Variants in SEC24A observed in about 807,000 individuals in gnomAD.
SEC24A encodes the protein SEC24 homolog A, COPII component, also known as protein transport protein Sec24A.
In SEC24A, 93 loss-of-function variants were observed where a neutral mutation model predicts 129.4. The observed-to-expected ratio is 0.72, with a 90% CI of 0.61 to 0.85. The LOEUF (loss-of-function observed/expected upper bound fraction) is 0.85. SEC24A is among the 40% of genes least tolerant of loss of function. The probability of loss-of-function intolerance (pLI) is 0.00; values close to 1 mark genes in which losing one functional copy is unlikely to be tolerated. For missense variants in SEC24A, 1,264 were observed against 1,307.4 expected (o/e 0.97, Z 0.51); for synonymous variants, 460 against 467.3 (o/e 0.98, Z 0.20).
chr5:134,660,280 C>A (rs924468790), intron 1 of SEC24A, among the ~76,000 whole-genome samples: 1 of 151,858 alleles, frequency 6.6e-6, no homozygotes, highest in South Asian at 2.1e-4. Flanking sequence ...ATGGGAGGAT[C>A]GCTTGAGCCC....
chr5:134,701,413 C>T (rs1458534533), intron 15 of SEC24A: 3 of 151,964 alleles, frequency 2.0e-5, no homozygotes, highest in African/African-American at 7.3e-5. Flanking sequence ...TCCTAATGTG[C>T]TTTTAAGACC....
Position 134,671,886 on chromosome 5 carries a change from G to C in SEC24A, c.817G>C (p.Ala273Pro). Reference protein sequence around the residue: ...YDEIEGGGLLATPQLTNKNPK... With the variant: ...YDEIEGGGLLPTPQLTNKNPK... Reference sequence around the variant, plus strand: ...CGAGATTGAAGGAGGTGGCTTATTGGGTGAGATGCTATGAAAGTTTTTTTT... The same window carrying C: ...CGAGATTGAAGGAGGTGGCTTATTGCGTGAGATGCTATGAAAGTTTTTTTT... Residue 273 changes from alanine to proline, a missense_variant and splice_region_variant, in exon 4 of 23, where the codon GCA (alanine) becomes CCA (proline). Transcript: ENST00000398844. 2 of 1,595,984 alleles carry C rather than the reference G, an allele frequency of 1.3e-6. No homozygotes were observed. Among genetic ancestry groups the C allele is most frequent in the Middle Eastern group, 1.7e-4 (1 of 6,012 alleles).
chr5:134,678,669 C>T (rs1231735854), intron 7 of SEC24A, among the ~76,000 whole-genome samples: 1 of 151,930 alleles, frequency 6.6e-6, no homozygotes, highest in Non-Finnish European at 1.5e-5. Flanking sequence ...CAACCTCTGC[C>T]TCCCAGGGTT....
chr5:134,653,185 T>C (rs1294375267), intron 1 of SEC24A, among the ~76,000 whole-genome samples: 3 of 152,034 alleles, frequency 2.0e-5, no homozygotes, highest in Non-Finnish European at 4.4e-5. Context: ...ATGATCCTCC[T>C]GCCTCAGCCT....
chr5:134,659,157 T>G (rs1008706507), intron 1 of SEC24A, among the ~76,000 whole-genome samples: 1 of 151,526 alleles, frequency 6.6e-6, no homozygotes, highest in Non-Finnish European at 1.5e-5. Context: ...CTGCAAGCTC[T>G]GCCTCCTGGG....
At chr5:134,658,436 T>C (rs1465553229) in intron 1 of SEC24A, among the ~76,000 whole-genome samples, 1 of 152,204 alleles carries the variant, frequency 6.6e-6, no homozygotes, top group East Asian at 1.9e-4. Flanking sequence ...AGACACGTTC[T>C]CACTCTGTAG....
chr5:134,706,807 C>T (rs1363305536), intron 17 of SEC24A, among the ~76,000 whole-genome samples: 5 of 152,184 alleles, frequency 3.3e-5, no homozygotes, highest in Admixed American at 2.6e-4. Context: ...TCTCCTGCCT[C>T]AGCCTCCCAA....
rs529379645 is a variant in SEC24A, at chr5:134,651,404, C to T, written c.97+2231C>T. Among the ~76,000 whole-genome samples the T allele has an allele frequency of 5.3e-4, 80 of 150,916 alleles. 1 individual carries two copies. The highest frequency in any genetic ancestry group is 1.8e-3 in the African/African-American group (75 of 41,324). On this transcript the variant is annotated intron_variant, in intron 1 of 22. Transcript: ENST00000398844. Reference sequence around the variant, plus strand: ...CCATGTCTCAGGTTCAAGTGATTCTCGTGCCTCAGCCTCCCGAGTAGCTGG... The same window carrying T: ...CCATGTCTCAGGTTCAAGTGATTCTTGTGCCTCAGCCTCCCGAGTAGCTGG...
chr5:134,656,077 A>G (rs1192266855), intron 1 of SEC24A, among the ~76,000 whole-genome samples: 1 of 134,626 alleles, frequency 7.4e-6, no homozygotes, highest in Non-Finnish European at 1.6e-5. Context: ...GGCTGCAGCT[A>G]AATATCTTTT....
In SEC24A at chr5:134,692,647, A is replaced by G. The variant is rs959002659; in HGVS notation, c.1769A>G (p.Glu590Gly). The change falls in exon 12 of 23, where the codon GAA becomes GGA. Residue 590 changes from glutamate to glycine, a missense_variant. By Grantham distance (98) the Glu-to-Gly change is moderately conservative. Coordinates refer to ENST00000398844, the MANE Select transcript of SEC24A (RefSeq NM_021982.3). Reference sequence around the variant, plus strand: ...GAGAACTTATTAGTAAACTTAAATGAAAGTAAAGAGGTAAGGCACATTTTC... The same window carrying G: ...GAGAACTTATTAGTAAACTTAAATGGAAGTAAAGAGGTAAGGCACATTTTC... ...MPENLLVNLNESKELVQDLLK... is the reference protein window; with the variant it reads ...MPENLLVNLNGSKELVQDLLK... The G allele has an allele frequency of 4.2e-6, 6 of 1,421,062 alleles. No homozygotes were observed. Among genetic ancestry groups the G allele is most frequent in the African/African-American group, 1.4e-5 (1 of 70,722 alleles). The allele number at this position is 1,421,062 out of a possible 1,614,324, so 88.0% of individuals were successfully genotyped here. A position where few individuals can be genotyped will look rare whatever the true frequency, so the allele number is the denominator to read the frequency against.
chr5:134,653,343 T>C (rs1252205656), intron 1 of SEC24A, among the ~76,000 whole-genome samples: 2 of 152,002 alleles, frequency 1.3e-5, no homozygotes, highest in African/African-American at 4.8e-5. Context: ...TCGAACCTCC[T>C]GGCTGAAGTG....
intron 6 of SEC24A, 115 bp from the exon 7 acceptor site, chr5:134,675,908 T>C: frequency 3.1e-6 from 2 of 651,486 alleles, no homozygotes; most frequent in Non-Finnish European, 2.5e-6. Context: ...TCTATTGAAA[T>C]ATTTCATCTG....
Position 134,708,791 on chromosome 5 carries a change from C to T in SEC24A, c.2630C>T (p.Ala877Val). The T allele has an allele frequency of 5.0e-6, 8 of 1,614,186 alleles. No individual in the cohort carries two copies. Among genetic ancestry groups the T allele is most frequent in the Non-Finnish European group, 6.8e-6 (8 of 1,180,030 alleles). Residue 877 changes from alanine to valine, a missense_variant, in exon 18 of 23, where the codon GCT (alanine) becomes GTT (valine). Transcript: ENST00000398844. ...AATGCAGTCATTGACTCCCTTTCAGCTTACCGTTCTTCAGTCTTAAGTAAC... is the reference window on the plus strand; with the variant it reads ...AATGCAGTCATTGACTCCCTTTCAGTTTACCGTTCTTCAGTCTTAAGTAAC... ...LVNAVIDSLS[A>V]YRSSVLSNQQ...
rs1752730512 is a variant in SEC24A, at chr5:134,725,167, T to G, written c.*73T>G. The G allele has an allele frequency of 1.3e-6, 1 of 743,898 alleles. No homozygotes were observed. The allele number at this position is 743,898 out of a possible 1,614,324, so 46.1% of individuals were successfully genotyped here. ...AGAATACCTGGAAATGTGTAATACC[T>G]TCTTTTTCTATTATGTTTGTGGACT... On this transcript the variant is annotated 3_prime_UTR_variant, in exon 23 of 23. Coordinates refer to ENST00000398844, the MANE Select transcript of SEC24A (RefSeq NM_021982.3).
Position 134,697,251 on chromosome 5 carries a change from G to T in SEC24A, c.2107+5G>T, listed in dbSNP as rs762343016. On this transcript the variant is annotated splice_donor_5th_base_variant and intron_variant, in intron 14 of 22. Transcript: ENST00000398844. ...ATTCTGATTTGGCTTCTCTGGGTAA[G>T]TTCTTCGTAATGATTTTTTTTTTCC... The T allele has an allele frequency of 6.3e-7, 1 of 1,587,142 alleles. No homozygotes were observed. The highest frequency in any genetic ancestry group is 1.1e-5 in the South Asian group (1 of 87,524).
intron 1 of SEC24A, among the ~76,000 whole-genome samples, chr5:134,656,610 A>G (rs1161246005): frequency 2.6e-5 from 4 of 151,870 alleles, no homozygotes; most frequent in African/African-American, 7.3e-5. Context: ...GCCTCTGAGT[A>G]GCTGGGACTA....
intron 9 of SEC24A, among the ~76,000 whole-genome samples, chr5:134,685,376 AAAAT>A (rs202230597): frequency 4.0e-5 from 6 of 148,926 alleles, no homozygotes; most frequent in Admixed American, 1.3e-4. Context: ...TAAAAAAAAA[AAAAT>A]AATAATACAA....
chr5:134,714,439 G>A (rs757889621), intron 18 of SEC24A, among the ~76,000 whole-genome samples: 1 of 152,252 alleles, frequency 6.6e-6, no homozygotes, highest in South Asian at 2.1e-4. Flanking sequence ...TCATAGGAGC[G>A]CCAACCATAT....
At chr5:134,713,752 TG>T (rs1002728054) in intron 18 of SEC24A, among the ~76,000 whole-genome samples, 1 of 151,718 alleles carries the variant, frequency 6.6e-6, no homozygotes, top group Admixed American at 6.6e-5. Flanking sequence ...CATAACTGGC[TG>T]GGTGCGGTGG....
Sources: gnomAD v4.1 joint callset for allele counts (sites outside exome capture counted in the v4.1 genomes callset) on GRCh38, gnomAD v4.1.1 for gene constraint, MANE v1.5 for transcripts, NCBI Gene and HGNC (gene_info 2026-07-23, HGNC 2026-07-21) for gene names.